GFI1B: variants seen among roughly 807,000 people sequenced by gnomAD.
GFI1B encodes zinc finger protein Gfi-1b.
A neutral mutation model predicts 35.3 loss-of-function variants in GFI1B; 20 were observed. The observed-to-expected ratio is 0.57, with a 90% CI of 0.40 to 0.82. The LOEUF (loss-of-function observed/expected upper bound fraction) is 0.82, where lower values mean the gene tolerates loss of function less well. Among genes scored for constraint, GFI1B ranks in the 40% least tolerant of loss-of-function variants. GFI1B has a pLI of 0.00. For synonymous variants in GFI1B, 178 were observed against 177.6 expected (o/e 1.00, Z -0.02); for missense variants, 430 against 446.3 (o/e 0.96, Z 0.33).
At position 132,989,307 on chromosome 9, in the gene GFI1B, C is replaced by T; in HGVS notation, c.648+109C>T. 1 of 1,134,850 alleles carries T rather than the reference C, an allele frequency of 8.8e-7. No homozygotes were observed. Among genetic ancestry groups the T allele is most frequent in the Non-Finnish European group, 1.3e-6 (1 of 769,328 alleles). The allele number at this position is 1,134,850 out of a possible 1,614,324, so 70.3% of individuals were successfully genotyped here. ...CCTCCCCCTGCCCCTGGGGGTGACACAGATTGGGAGGGGTCCCCTAGTACC... is the reference window on the plus strand; with the variant it reads ...CCTCCCCCTGCCCCTGGGGGTGACATAGATTGGGAGGGGTCCCCTAGTACC... On this transcript the variant is annotated intron_variant, in intron 5 of 6. Coordinates refer to ENST00000372122, the MANE Select transcript of GFI1B (RefSeq NM_001377304.1). The surrounding 1 kb of genome is among the most constrained non-coding windows in gnomAD (Gnocchi z 6.2).
Position 132,962,585 on chromosome 9 carries a change from A to T in GFI1B, c.-700-10140A>T, listed in dbSNP as rs1848384049. ...AAAAGCAAAAATCATCCCATTTCCC[A>T]GTGGAATCAGATGAAAACTGGTAAT... On this transcript the variant is annotated intron_variant, in intron 1 of 10. Coordinates refer to the GFI1B transcript ENST00000339463. 3 of 512,446 alleles carry T rather than the reference A, an allele frequency of 5.9e-6. No individual in the cohort carries two copies. In the Admixed American group the frequency reaches 6.2e-5, roughly 11 times the overall value. The allele number at this position is 512,446 out of a possible 1,614,324, so 31.7% of individuals were successfully genotyped here. A position where few individuals can be genotyped will look rare whatever the true frequency, so the allele number is the denominator to read the frequency against.
intron 1 of GFI1B, among the ~76,000 whole-genome samples, chr9:132,980,570 T>C (rs374673288): frequency 6.6e-5 from 10 of 152,346 alleles, no homozygotes; most frequent in African/African-American, 1.7e-4. Flanking sequence ...TACCATTCAA[T>C]GGTATTAAGT....
downstream of GFI1B, among the ~76,000 whole-genome samples, chr9:132,992,855 T>C (rs1162510148): frequency 1.3e-5 from 2 of 152,042 alleles, no homozygotes; most frequent in Non-Finnish European, 2.9e-5. Flanking sequence ...CCCACAGCCA[T>C]GGACACCTCT....
At chr9:132,984,302 G>A (rs1277171292) in intron 1 of GFI1B, among the ~76,000 whole-genome samples, 1 of 152,062 alleles carries the variant, frequency 6.6e-6, no homozygotes, top group Non-Finnish European at 1.5e-5. Flanking sequence ...AGTTAAAAGC[G>A]GGAAGGAAGG....
At chr9:132,959,546 A>C (rs1370402155) in intron 1 of GFI1B, among the ~76,000 whole-genome samples, 1 of 152,220 alleles carries the variant, frequency 6.6e-6, no homozygotes, top group African/African-American at 2.4e-5. Flanking sequence ...CACTGAGTAA[A>C]TATTGTTACT....
chr9:132,958,580 T>G (rs1848318267), intron 1 of GFI1B, among the ~76,000 whole-genome samples: 1 of 152,194 alleles, frequency 6.6e-6, no homozygotes, highest in Non-Finnish European at 1.5e-5. Context: ...AAACCATCCG[T>G]GAGAAATCTG....
chr9:132,981,719 C>T (rs1226440555), intron 1 of GFI1B, among the ~76,000 whole-genome samples: 1 of 152,058 alleles, frequency 6.6e-6, no homozygotes, highest in East Asian at 1.9e-4. Flanking sequence ...GCTCATTTTC[C>T]CCCGACTCCT....
intron 1 of GFI1B, among the ~76,000 whole-genome samples, chr9:132,967,420 GA>G (rs936572629): frequency 3.3e-5 from 5 of 152,142 alleles, no homozygotes; most frequent in African/African-American, 7.2e-5. Context: ...CTTTTAGGGG[GA>G]AAAAATCATT....
chr9:132,948,093 G>A (rs1157045715), intron 1 of GFI1B, among the ~76,000 whole-genome samples: 5 of 152,118 alleles, frequency 3.3e-5, no homozygotes. Context: ...TCCTTCTCAG[G>A]CCATATTTCA....
At chr9:132,950,013 G>A (rs1848176969) in intron 1 of GFI1B, among the ~76,000 whole-genome samples, 1 of 152,146 alleles carries the variant, frequency 6.6e-6, no homozygotes, top group South Asian at 2.1e-4. Context: ...TTGAGTGGCT[G>A]AGGCAGGAGG....
intron 1 of GFI1B, chr9:132,952,580 A>G (rs1848217097): frequency 6.6e-6 from 1 of 152,260 alleles, no homozygotes; most frequent in African/African-American, 2.4e-5. Flanking sequence ...TACTGGGATT[A>G]CAGTCATGAG....
chr9:132,947,585 G>GGGGAGGCC (rs1848138685), intron 1 of GFI1B, among the ~76,000 whole-genome samples: 1 of 152,030 alleles, frequency 6.6e-6, no homozygotes, highest in South Asian at 2.1e-4. Context: ...AAGGCAGGTA[G>GGGGAGGCC]ATGGCTTGAG....
chr9:132,977,033 C>T (rs13298080), upstream of GFI1B, among the ~76,000 whole-genome samples: 35,500 of 152,168 alleles, frequency 0.23, 4,946 homozygotes, highest in Non-Finnish European at 0.31. Flanking sequence ...TCTGGACTCA[C>T]CGCAACCTCT....
Position 132,959,324 on chromosome 9 carries a change from T to G in GFI1B, c.-700-13401T>G, listed in dbSNP as rs148982574. On this transcript the variant is annotated intron_variant, in intron 1 of 10. Transcript: ENST00000339463. ...CGGCACTTCTCCTTCCTGCCGCCAC[T>G]TGAAGAAGGACATGTTTGCTTCCCC... Among the ~76,000 whole-genome samples, 376 of 152,290 alleles carry G rather than the reference T, an allele frequency of 2.5e-3. 1 individual carries two copies. Among genetic ancestry groups the G allele is most frequent in the African/African-American group, 8.5e-3 (355 of 41,562 alleles).
At chr9:132,961,123 G>A (rs1848355350) in intron 1 of GFI1B, among the ~76,000 whole-genome samples, 1 of 152,094 alleles carries the variant, frequency 6.6e-6, no homozygotes, top group East Asian at 1.9e-4. Context: ...GAAATCATAC[G>A]AGTGCAAGAA....
intron 1 of GFI1B, chr9:132,972,714 A>T (rs772811016): frequency 3.9e-5 from 6 of 152,234 alleles, no homozygotes; most frequent in Non-Finnish European, 8.8e-5. Flanking sequence ...AATTATTTTC[A>T]CTTTTTTCAG....
At chr9:132,964,447 A>T (rs981158487) in intron 1 of GFI1B, among the ~76,000 whole-genome samples, 1 of 152,180 alleles carries the variant, frequency 6.6e-6, no homozygotes, top group Non-Finnish European at 1.5e-5. Flanking sequence ...TATCAATAGG[A>T]ACTTGTGAAA....
intron 1 of GFI1B, among the ~76,000 whole-genome samples, chr9:132,982,874 A>G (rs1453112088): frequency 1.3e-5 from 2 of 152,034 alleles, no homozygotes; most frequent in African/African-American, 4.8e-5. Flanking sequence ...GGCTCAGGGG[A>G]GATCACTAGA....
chr9:132,975,623 G>A (rs1256729638), upstream of GFI1B, among the ~76,000 whole-genome samples: 2 of 152,154 alleles, frequency 1.3e-5, no homozygotes, highest in South Asian at 2.1e-4. Context: ...TGAAAAGTCC[G>A]GCTGTTTTTT....
Sources: allele counts gnomAD v4.1 joint callset (sites outside exome capture counted in the v4.1 genomes callset), GRCh38; gene constraint gnomAD v4.1.1; non-coding constraint Gnocchi (gnomAD v3.1); transcripts MANE v1.5; gene names NCBI Gene and HGNC (gene_info 2026-07-23, HGNC 2026-07-21).